Variants in GPC6 observed in about 807,000 individuals in gnomAD.
The protein encoded by GPC6 is glypican-6.
A neutral mutation model predicts 55.2 loss-of-function variants in GPC6; 14 were observed. The observed-to-expected ratio is 0.25, with a 90% CI of 0.17 to 0.40. The LOEUF is 0.40. Ranked by LOEUF, GPC6 falls within the 10% of genes least tolerant of loss-of-function variation. The pLI, the probability that GPC6 is intolerant of heterozygous loss-of-function variation, is 1.00. For missense variants in GPC6, 641 were observed against 708.5 expected (o/e 0.90, Z 1.08); for synonymous variants, 278 against 259.6 (o/e 1.07, Z -0.68).
intron 4 of GPC6, among the ~76,000 whole-genome samples, chr13:94,098,324 G>C (rs1210942047): frequency 6.6e-6 from 1 of 152,024 alleles, no homozygotes; most frequent in Non-Finnish European, 1.5e-5. Context: ...ATGGATATTT[G>C]ACCCATGTAG....
chr13:93,860,627 C>G (rs1888779031), intron 3 of GPC6, among the ~76,000 whole-genome samples: 1 of 151,512 alleles, frequency 6.6e-6, no homozygotes, highest in Non-Finnish European at 1.5e-5. Context: ...GGGGCTTGTT[C>G]TGTATGATAT....
chr13:93,550,718 A>C (rs965148988), intron 2 of GPC6, among the ~76,000 whole-genome samples: 1 of 152,128 alleles, frequency 6.6e-6, no homozygotes, highest in Non-Finnish European at 1.5e-5. Flanking sequence ...CTTATTTGAA[A>C]AGGAAAAAAC....
chr13:93,732,224 G>T (rs1233811512), intron 2 of GPC6, among the ~76,000 whole-genome samples: 1 of 152,106 alleles, frequency 6.6e-6, no homozygotes, highest in Non-Finnish European at 1.5e-5. Flanking sequence ...CCGGCTCCTT[G>T]CTGCACAGCC....
chr13:94,398,000 G>C (rs1880965815), intron 7 of GPC6, among the ~76,000 whole-genome samples: 2 of 152,010 alleles, frequency 1.3e-5, no homozygotes, highest in Admixed American at 1.3e-4. Context: ...CCTTTTACTT[G>C]GCACTTCTCT....
In GPC6 at chr13:93,545,300, C is replaced by T; in HGVS notation, c.198C>T (p.Cys66=). Reference sequence around the variant, plus strand: ...GAATCTGTCCTCAGGAATATACATGCTGCACCACAGAAATGGAAGACAAGT... The same window carrying T: ...GAATCTGTCCTCAGGAATATACATGTTGCACCACAGAAATGGAAGACAAGT... ...HLRICPQEYT[C]CTTEMEDKLS... is the part of the protein sequence containing the mutation. Residue 66 remains cysteine, a synonymous_variant, in exon 2 of 9, where the codon TGC becomes TGT. Coordinates refer to ENST00000377047, the MANE Select transcript of GPC6 (RefSeq NM_005708.5). 2.5e-6 allele frequency: 4 copies of T among 1,613,452 alleles called. No individual in the cohort carries two copies. Among genetic ancestry groups the T allele is most frequent in the Non-Finnish European group, 3.4e-6 (4 of 1,179,420 alleles).
intron 4 of GPC6, among the ~76,000 whole-genome samples, chr13:94,041,564 G>C (rs928482672): frequency 3.3e-5 from 5 of 151,884 alleles, no homozygotes; most frequent in East Asian, 3.9e-4. Flanking sequence ...TTTGCTTAAA[G>C]CATTTCTCTG....
At chr13:94,079,526 T>C (rs1885033470) in intron 4 of GPC6, among the ~76,000 whole-genome samples, 1 of 152,180 alleles carries the variant, frequency 6.6e-6, no homozygotes, top group East Asian at 1.9e-4. Flanking sequence ...TTTGAGTTCG[T>C]TGAGGACAGT....
chr13:93,251,251 A>T (rs1225568305), intron 1 of GPC6, among the ~76,000 whole-genome samples: 2 of 152,134 alleles, frequency 1.3e-5, no homozygotes, highest in Non-Finnish European at 2.9e-5. Flanking sequence ...TTGGGCAGGG[A>T]TGGGTTTGCT....
At chr13:93,668,991 C>G (rs1881252274) in intron 2 of GPC6, among the ~76,000 whole-genome samples, 1 of 152,214 alleles carries the variant, frequency 6.6e-6, no homozygotes, top group African/African-American at 2.4e-5. Flanking sequence ...AGATATTACT[C>G]TGACTTATTT....
At chr13:93,709,401 T>G (rs1478998259) in intron 2 of GPC6, among the ~76,000 whole-genome samples, 2 of 151,738 alleles carry the variant, frequency 1.3e-5, no homozygotes, top group African/African-American at 4.8e-5. Context: ...GGTAATAACC[T>G]TACATATTTT....
intron 4 of GPC6, among the ~76,000 whole-genome samples, chr13:94,283,167 C>T (rs1356504969): frequency 6.6e-6 from 1 of 152,198 alleles, no homozygotes; most frequent in Non-Finnish European, 1.5e-5. Flanking sequence ...CAAATTGGTC[C>T]TTTCCTTTCC....
intron 3 of GPC6, among the ~76,000 whole-genome samples, chr13:93,969,955 AG>A (rs1332643964): frequency 1.3e-5 from 2 of 152,178 alleles, no homozygotes; most frequent in East Asian, 1.9e-4. Context: ...ACACATCACC[AG>A]GTGTGATTAT....
chr13:93,621,992 C>T (rs979080684), intron 2 of GPC6, among the ~76,000 whole-genome samples: 10 of 152,020 alleles, frequency 6.6e-5, no homozygotes, highest in African/African-American at 2.2e-4. Flanking sequence ...ACCCATTAAC[C>T]AACCTCTTTT....
At chr13:93,851,634 C>G (rs1888403776) in intron 3 of GPC6, among the ~76,000 whole-genome samples, 1 of 151,692 alleles carries the variant, frequency 6.6e-6, no homozygotes, top group African/African-American at 2.4e-5. Flanking sequence ...TTTGAAGGCA[C>G]TTTTGCTAGC....
intron 1 of GPC6, among the ~76,000 whole-genome samples, chr13:93,522,138 C>T (rs1440231515): frequency 1.3e-5 from 2 of 151,918 alleles, no homozygotes; most frequent in East Asian, 3.9e-4. Flanking sequence ...TTTCTAGGCA[C>T]ACCCTCTGGG....
intron 3 of GPC6, among the ~76,000 whole-genome samples, chr13:93,963,134 G>A (rs775968447): frequency 2.0e-5 from 3 of 151,842 alleles, no homozygotes; most frequent in Non-Finnish European, 4.4e-5. Flanking sequence ...ATTTTTTCTT[G>A]TAGATTTGTT....
chr13:93,947,736 C>T (rs1281759389), intron 3 of GPC6, among the ~76,000 whole-genome samples: 2 of 151,622 alleles, frequency 1.3e-5, no homozygotes, highest in Non-Finnish European at 2.9e-5. Context: ...TCCTCTTCAA[C>T]GCTTTTTTTT....
At chr13:93,936,063 T>G (rs1878420695) in intron 3 of GPC6, among the ~76,000 whole-genome samples, 1 of 152,182 alleles carries the variant, frequency 6.6e-6, no homozygotes, top group African/African-American at 2.4e-5. Flanking sequence ...ATACCTAATG[T>G]AATATACATG....
At chr13:93,996,711 A>G (rs910967820) in intron 3 of GPC6, among the ~76,000 whole-genome samples, 3 of 152,220 alleles carry the variant, frequency 2.0e-5, no homozygotes, top group Non-Finnish European at 4.4e-5. Flanking sequence ...TGAGAGGACA[A>G]CTTAAAATAA....
Sources: allele counts gnomAD v4.1 joint callset (sites outside exome capture counted in the v4.1 genomes callset), GRCh38; gene constraint gnomAD v4.1.1; transcripts MANE v1.5; gene names NCBI Gene and HGNC (gene_info 2026-07-23, HGNC 2026-07-21).